GAREM1: variants seen among roughly 807,000 people sequenced by gnomAD.
The protein encoded by GAREM1 is GRB2 associated regulator of MAPK1 subtype 1.
GAREM1 carries 26 observed loss-of-function variants against 71.3 expected under a neutral mutation model. That is an observed-to-expected ratio of 0.36 (90% confidence interval 0.27 to 0.51). GAREM1 has a LOEUF of 0.51. GAREM1 is among the 20% of genes least tolerant of loss of function. The pLI is 0.95. For synonymous variants in GAREM1, 440 were observed against 433.2 expected (o/e 1.02, Z -0.20); for missense variants, 1,026 against 1,103.1 (o/e 0.93, Z 0.99).
At chr18:32,333,488 G>A (rs2047557238) in intron 2 of GAREM1, among the ~76,000 whole-genome samples, 1 of 152,222 alleles carries the variant, frequency 6.6e-6, no homozygotes, top group African/African-American at 2.4e-5. Flanking sequence ...TCAAGGGCAA[G>A]TGCCAAAAGA....
In GAREM1 at chr18:32,358,014, C is replaced by T. The variant is rs576225892; in HGVS notation, c.262+34881G>A. 5.6e-4 allele frequency among the ~76,000 whole-genome samples: 86 copies of T among 152,214 alleles called. 1 individual carries two copies. The highest frequency in any genetic ancestry group is 2.0e-3 in the African/African-American group (83 of 41,520). On this transcript the variant is annotated intron_variant, in intron 2 of 5. Transcript: ENST00000269209. ...GGTAACTGCCTTTAAAATTACTTTA[C>T]TAACCAAACAAGAAAACCTGCCTCC...
intron 2 of GAREM1, among the ~76,000 whole-genome samples, chr18:32,363,995 C>CATATATACATATAT (rs1398129084): frequency 4.7e-5 from 1 of 21,332 alleles, no homozygotes; most frequent in Non-Finnish European, 8.5e-5. Flanking sequence ...TACATATATA[C>CATATATACATATAT]ATATATATAT....
chr18:32,456,854 T>G (rs2048894710), intron 1 of GAREM1, among the ~76,000 whole-genome samples: 1 of 152,128 alleles, frequency 6.6e-6, no homozygotes, highest in African/African-American at 2.4e-5. Context: ...ATTATGCAGT[T>G]GTTATGAATT....
At chr18:32,435,924 A>G (rs1455810840) in intron 1 of GAREM1, among the ~76,000 whole-genome samples, 2 of 152,176 alleles carry the variant, frequency 1.3e-5, no homozygotes, top group Non-Finnish European at 2.9e-5. Flanking sequence ...ACAAGTAAAA[A>G]AATTGCACCC....
At chr18:32,284,234 A>T (rs75867575) in intron 4 of GAREM1, among the ~76,000 whole-genome samples, 4,398 of 151,682 alleles carry the variant, frequency 0.029, 154 homozygotes, top group African/African-American at 0.084. Context: ...TAATTTTTTT[A>T]AAAAAAACAA....
chr18:32,310,623 C>G (rs1356857217), intron 2 of GAREM1, among the ~76,000 whole-genome samples: 1 of 152,156 alleles, frequency 6.6e-6, no homozygotes, highest in African/African-American at 2.4e-5. Context: ...AAAGTGAAAA[C>G]TCACTTTGCT....
intron 2 of GAREM1, among the ~76,000 whole-genome samples, chr18:32,359,931 T>TATAAATAAATAA (rs146487300): frequency 1.7e-3 from 254 of 149,882 alleles, no homozygotes; most frequent in African/African-American, 5.8e-3. Context: ...GTCTCTTAAA[T>TATAAATAAATAA]ATAAATAAAT....
At chr18:32,447,810 A>G (rs2048798947) in intron 1 of GAREM1, among the ~76,000 whole-genome samples, 1 of 152,162 alleles carries the variant, frequency 6.6e-6, no homozygotes, top group African/African-American at 2.4e-5. Context: ...TTCTACAGAC[A>G]TTTCTCAAGT....
intron 2 of GAREM1, among the ~76,000 whole-genome samples, chr18:32,343,311 G>GTTTTTTTTTTTTTTTTT (rs35086441): frequency 8.4e-6 from 1 of 118,886 alleles, no homozygotes; most frequent in Admixed American, 8.6e-5. Context: ...CTCCCCCACT[G>GTTTTTTTTTTTTTTTTT]TTTTTTTTTT....
At chr18:32,404,452 CA>C (rs11367080) in intron 1 of GAREM1, among the ~76,000 whole-genome samples, 26,998 of 137,118 alleles carry the variant, frequency 0.2, 3,143 homozygotes, top group African/African-American at 0.36. Context: ...TTATGTTGCA[CA>C]AAAAAAAAAA....
At chr18:32,335,377 C>G (rs2047580177) in intron 2 of GAREM1, among the ~76,000 whole-genome samples, 1 of 152,222 alleles carries the variant, frequency 6.6e-6, no homozygotes, top group South Asian at 2.1e-4. Flanking sequence ...CATGGTCAAG[C>G]TGCAAGTGAA....
chr18:32,316,074 CT>C (rs1408957859), intron 2 of GAREM1, among the ~76,000 whole-genome samples: 1 of 152,116 alleles, frequency 6.6e-6, no homozygotes, highest in Non-Finnish European at 1.5e-5. Flanking sequence ...CCATATTAAG[CT>C]GCATAGTCAT....
Position 32,288,212 on chromosome 18 carries a change from T to A in GAREM1, c.394-9A>T, listed in dbSNP as rs567951890. The A allele has an allele frequency of 4.5e-6, 7 of 1,569,052 alleles. No homozygotes were observed. In the South Asian group the frequency reaches 8.3e-5, roughly 19 times the overall value. On this transcript the variant is annotated splice_polypyrimidine_tract_variant and intron_variant, in intron 3 of 5. Transcript: ENST00000269209. The stretch of plus-strand genomic sequence containing the variant: ...CATTCACCTGAAGCAACCTACAATA[T>A]AATAAATCACATTTTACGTTCATTT...
intron 1 of GAREM1, among the ~76,000 whole-genome samples, chr18:32,443,918 G>A (rs1429963808): frequency 4.6e-5 from 7 of 152,122 alleles, no homozygotes; most frequent in South Asian, 2.1e-4. Flanking sequence ...AGATTGGTAC[G>A]ATGTGTTATT....
Position 32,315,138 on chromosome 18 carries a change from G to A in GAREM1, c.263-4815C>T, listed in dbSNP as rs190476897. ...CTGAGGTAAGAGGTTACCTGAAAGC[G>A]TCATGCCTATAATAAATTTCATTCT... On this transcript the variant is annotated intron_variant, in intron 2 of 5. Coordinates refer to ENST00000269209, the MANE Select transcript of GAREM1 (RefSeq NM_001242409.2). Among the ~76,000 whole-genome samples the A allele has an allele frequency of 7.9e-5, 12 of 152,064 alleles. No individual in the cohort carries two copies. In the South Asian group the frequency reaches 1.7e-3, roughly 21 times the overall value.
intron 2 of GAREM1, among the ~76,000 whole-genome samples, chr18:32,362,868 C>A (rs1763863941): frequency 1.3e-5 from 2 of 152,194 alleles, no homozygotes; most frequent in African/African-American, 2.4e-5. Context: ...TACTTCTTTG[C>A]AAAACTGTAA....
At chr18:32,393,452 CA>C (rs1405048417) in intron 1 of GAREM1, among the ~76,000 whole-genome samples, 6 of 151,954 alleles carry the variant, frequency 3.9e-5, no homozygotes, top group African/African-American at 1.5e-4. Context: ...TGAGAAAAAT[CA>C]AAGTTTGAAA....
At chr18:32,418,226 C>T (rs781646553) in intron 1 of GAREM1, among the ~76,000 whole-genome samples, 100 of 152,274 alleles carry the variant, frequency 6.6e-4, no homozygotes, top group Non-Finnish European at 1.1e-3. Flanking sequence ...AACCCGTGTT[C>T]TTTTCCCCCT....
At chr18:32,341,828 C>A (rs2047650585) in intron 2 of GAREM1, among the ~76,000 whole-genome samples, 2 of 152,012 alleles carry the variant, frequency 1.3e-5, no homozygotes, top group South Asian at 4.1e-4. Context: ...AATGGCAGAA[C>A]TGGAGAGAAG....
Sources: gnomAD v4.1 joint callset for allele counts (sites outside exome capture counted in the v4.1 genomes callset) on GRCh38, gnomAD v4.1.1 for gene constraint, MANE v1.5 for transcripts, NCBI Gene and HGNC (gene_info 2026-07-23, HGNC 2026-07-21) for gene names.